TTC39B: variants seen among roughly 807,000 people sequenced by gnomAD.
TTC39B encodes the protein tetratricopeptide repeat protein 39B.
A neutral mutation model predicts 96.6 loss-of-function variants in TTC39B; 92 were observed. The ratio of observed to expected loss-of-function variants is 0.95; its 90% CI spans 0.80 to 1.13. The LOEUF (loss-of-function observed/expected upper bound fraction) is 1.13. Among genes scored for constraint, TTC39B ranks in the 50% most tolerant of loss-of-function variants. TTC39B has a pLI of 0.00. For missense variants in TTC39B, 955 were observed against 809.3 expected, an observed-to-expected ratio of 1.18 and a Z score of -2.18; for synonymous variants, 367 against 299.4, an observed-to-expected ratio of 1.23 and a Z score of -2.33.
chr9:15,264,028 A>G (rs1287238431), intron 2 of TTC39B, among the ~76,000 whole-genome samples: 2 of 152,234 alleles, frequency 1.3e-5, no homozygotes, highest in East Asian at 1.9e-4. Flanking sequence ...AACTGCTGGC[A>G]GATAAATACA....
chr9:15,228,867 C>G (rs928734675), intron 2 of TTC39B, among the ~76,000 whole-genome samples: 3 of 152,132 alleles, frequency 2.0e-5, no homozygotes, highest in Admixed American at 2.0e-4. Context: ...TAATTATTAA[C>G]AAAATAATGT....
At chr9:15,219,642 G>T (rs1820731823) in intron 3 of TTC39B, among the ~76,000 whole-genome samples, 1 of 152,094 alleles carries the variant, frequency 6.6e-6, no homozygotes, top group Admixed American at 6.6e-5. Context: ...CCTGAGTAGG[G>T]ACTTCACTAG....
intron 15 of TTC39B, among the ~76,000 whole-genome samples, chr9:15,185,743 C>T (rs1328450766): frequency 6.6e-6 from 1 of 152,364 alleles, no homozygotes; most frequent in South Asian, 2.1e-4. Context: ...AGGTATACAA[C>T]TGGCGATTTC....
chr9:15,249,315 G>C (rs1318738711), intron 2 of TTC39B: 1 of 152,108 alleles, frequency 6.6e-6, no homozygotes, highest in Non-Finnish European at 1.5e-5. Context: ...GCCATACAAA[G>C]GTCACTTTTT....
chr9:15,276,305 T>A (rs1241593390), intron 1 of TTC39B, among the ~76,000 whole-genome samples: 1 of 152,182 alleles, frequency 6.6e-6, no homozygotes, highest in Non-Finnish European at 1.5e-5. Context: ...TCACCCATTC[T>A]CTCCTCCTTT....
At chr9:15,221,468 C>CT in intron 3 of TTC39B, among the ~76,000 whole-genome samples, 1 of 152,216 alleles carries the variant, frequency 6.6e-6, no homozygotes, top group East Asian at 1.9e-4. Context: ...AAGCCCTGTC[C>CT]TTTTTTTCAG....
At chr9:15,185,523 G>T in intron 15 of TTC39B, 117 bp from the exon 16 acceptor site, 2 of 1,493,828 alleles carry the variant, frequency 1.3e-6, no homozygotes, top group South Asian at 1.3e-5. Flanking sequence ...AGCATCACCT[G>T]GGAACCTATT....
Position 15,190,534 on chromosome 9 carries a change from C to T in TTC39B, c.1105+20G>A. 6.3e-7 allele frequency: 1 copy of T among 1,598,338 alleles called. No individual in the cohort carries two copies. The highest frequency in any genetic ancestry group is 1.1e-5 in the South Asian group (1 of 90,686). The stretch of plus-strand genomic sequence containing the variant: ...CCAAGACAATCAATGTTCAATGAAA[C>T]AATCTAATCCAGATCTTACCAAGTA... On this transcript the variant is annotated intron_variant, in intron 11 of 19. Transcript: ENST00000512701.
chr9:15,200,551 T>C (rs1819475177), intron 7 of TTC39B, among the ~76,000 whole-genome samples: 2 of 152,246 alleles, frequency 1.3e-5, no homozygotes, highest in South Asian at 4.1e-4. Flanking sequence ...TTGGCCTAGA[T>C]GAATGGCATT....
intron 8 of TTC39B, among the ~76,000 whole-genome samples, chr9:15,197,882 T>C (rs1819267367): frequency 1.3e-5 from 2 of 152,060 alleles, no homozygotes; most frequent in Non-Finnish European, 1.5e-5. Context: ...CAGAATACTA[T>C]AGTTAGCAAA....
chr9:15,288,406 G>A (rs180883380), intron 1 of TTC39B, among the ~76,000 whole-genome samples: 1 of 152,282 alleles, frequency 6.6e-6, no homozygotes, highest in East Asian at 1.9e-4. Context: ...CAGAAGAATG[G>A]CAGAATGGCA....
At chr9:15,174,708 A>G (rs1259296733) in intron 19 of TTC39B, among the ~76,000 whole-genome samples, 3 of 152,180 alleles carry the variant, frequency 2.0e-5, no homozygotes, top group Non-Finnish European at 4.4e-5. Context: ...AGCTAAAAAT[A>G]TTTACTATCT....
intron 2 of TTC39B, among the ~76,000 whole-genome samples, chr9:15,237,237 C>A (rs1361088594): frequency 1.3e-5 from 2 of 152,180 alleles, no homozygotes; most frequent in Non-Finnish European, 2.9e-5. Flanking sequence ...ATTACTTGAA[C>A]CCGGGAGGCG....
intron 2 of TTC39B, among the ~76,000 whole-genome samples, chr9:15,258,134 G>C (rs61546846): frequency 6.6e-6 from 1 of 152,092 alleles, no homozygotes; most frequent in Non-Finnish European, 1.5e-5. Context: ...AGTAGAGGGA[G>C]AGAACAAAAG....
At position 15,231,811 on chromosome 9, in the gene TTC39B, A is replaced by G. The variant is rs73646013; in HGVS notation, c.276-5799T>C. On this transcript the variant is annotated intron_variant, in intron 2 of 19. Coordinates refer to ENST00000512701, the Ensembl canonical transcript of TTC39B. ...AAAAATATGTCCTTCAAGGTTTTCC[A>G]TCAACGTTAAAATCTCTCCTTAGGG... 7.0e-3 allele frequency among the ~76,000 whole-genome samples: 1,068 copies of G among 152,348 alleles called. 14 individuals carry two copies. The highest frequency in any genetic ancestry group is 0.024 in the African/African-American group (1,009 of 41,580).
intron 2 of TTC39B, among the ~76,000 whole-genome samples, chr9:15,233,902 G>C (rs1337848648): frequency 6.6e-6 from 1 of 151,112 alleles, no homozygotes; most frequent in Non-Finnish European, 1.5e-5. Context: ...ATCCCATCTA[G>C]GAAGTGAGGA....
rs147737508 is a variant in TTC39B, at chr9:15,261,236, T to C, written c.275+6678A>G. Among the ~76,000 whole-genome samples, 693 of 152,168 alleles carry C rather than the reference T, an allele frequency of 4.6e-3. 1 individual carries two copies. Among genetic ancestry groups the C allele is most frequent in the African/African-American group, 0.015 (604 of 41,520 alleles). ...GCTCATGTCTGTAATCCCAACACTA[T>C]GGGAGGCAAAGGTGGGAGGATCACT... On this transcript the variant is annotated intron_variant, in intron 2 of 19. Coordinates refer to ENST00000512701, the Ensembl canonical transcript of TTC39B.
chr9:15,257,925 G>A (rs560615534), intron 2 of TTC39B, among the ~76,000 whole-genome samples: 1 of 152,214 alleles, frequency 6.6e-6, no homozygotes, highest in East Asian at 1.9e-4. Flanking sequence ...CGGGCACGGT[G>A]GCGGGCGCCT....
intron 1 of TTC39B, among the ~76,000 whole-genome samples, chr9:15,301,127 T>G (rs1477452040): frequency 6.6e-6 from 1 of 152,108 alleles, no homozygotes; most frequent in Non-Finnish European, 1.5e-5. Flanking sequence ...CACTTGCCCT[T>G]TGAAACCTAG....
Sources: allele counts gnomAD v4.1 joint callset (sites outside exome capture counted in the v4.1 genomes callset), GRCh38; gene constraint gnomAD v4.1.1; transcripts MANE v1.5; gene names NCBI Gene and HGNC (gene_info 2026-07-23, HGNC 2026-07-21).